SPIDR: variants seen among roughly 807,000 people sequenced by gnomAD.
SPIDR encodes the protein scaffold protein involved in DNA repair.
SPIDR carries 93 observed loss-of-function variants against 104.6 expected under a neutral mutation model. That is an observed-to-expected ratio of 0.89 (90% CI 0.75 to 1.06). The LOEUF (loss-of-function observed/expected upper bound fraction) is 1.06, where lower values mean the gene tolerates loss of function less well. Ranked by LOEUF, SPIDR falls within the 50% of genes least tolerant of loss-of-function variation. The pLI is 0.00. For missense variants in SPIDR, 1,154 were observed against 1,111.2 expected, an observed-to-expected ratio of 1.04 and a Z score of -0.55; for synonymous variants, 431 against 416.9, an observed-to-expected ratio of 1.03 and a Z score of -0.41.
chr8:47,421,594 CCTT>C (rs1457420807), intron 7 of SPIDR, among the ~76,000 whole-genome samples: 1 of 152,168 alleles, frequency 6.6e-6, no homozygotes, highest in Non-Finnish European at 1.5e-5. Flanking sequence ...TCATCTGTAG[CCTT>C]CTTCTCTCAA....
intron 8 of SPIDR, among the ~76,000 whole-genome samples, chr8:47,573,352 C>T (rs569204284): frequency 6.6e-6 from 1 of 152,322 alleles, no homozygotes; most frequent in African/African-American, 2.4e-5. Context: ...ACTGACTTCT[C>T]TGTAGCCACA....
At chr8:47,734,856 C>G (rs922061534) in intron 19 of SPIDR, among the ~76,000 whole-genome samples, 1 of 152,140 alleles carries the variant, frequency 6.6e-6, no homozygotes, top group Non-Finnish European at 1.5e-5. Flanking sequence ...CAGTATAACT[C>G]TAGAAGAAAT....
In SPIDR at chr8:47,612,670, A is replaced by G. The variant is rs2063750893; in HGVS notation, c.1544+13474A>G. Among the ~76,000 whole-genome samples the G allele has an allele frequency of 2.0e-5, 3 of 152,236 alleles. No individual in the cohort carries two copies. In the South Asian group the frequency reaches 6.2e-4, roughly 31 times the overall value. On this transcript the variant is annotated intron_variant, in intron 10 of 19. Transcript: ENST00000297423. The stretch of plus-strand genomic sequence containing the variant: ...GGAAAGTTGGGGAGAGTATAGCCCA[A>G]GGAGCTGAGGAGCAACGATGAAGCC...
intron 5 of SPIDR, among the ~76,000 whole-genome samples, chr8:47,386,908 T>G (rs1371290936): frequency 2.2e-4 from 7 of 31,420 alleles, no homozygotes; most frequent in South Asian, 1.0e-3. Flanking sequence ...GAGAGAGATA[T>G]AGATATAGAT....
intron 8 of SPIDR, among the ~76,000 whole-genome samples, chr8:47,555,023 A>G (rs985884989): frequency 8.5e-5 from 13 of 152,138 alleles, no homozygotes; most frequent in Non-Finnish European, 1.6e-4. Flanking sequence ...TTTTTCCTAA[A>G]TCTTAGTCTT....
At chr8:47,299,824 T>C (rs1327536173) in intron 5 of SPIDR, among the ~76,000 whole-genome samples, 1 of 152,144 alleles carries the variant, frequency 6.6e-6, no homozygotes, top group Non-Finnish European at 1.5e-5. Context: ...GTGGATAAGG[T>C]TTTTGATGTG....
At chr8:47,549,891 G>A (rs2090155859) in intron 8 of SPIDR, among the ~76,000 whole-genome samples, 1 of 152,016 alleles carries the variant, frequency 6.6e-6, no homozygotes, top group Non-Finnish European at 1.5e-5. Context: ...GGGTTTTTAT[G>A]GTTTTAGGTC....
intron 7 of SPIDR, among the ~76,000 whole-genome samples, chr8:47,427,501 G>A (rs1233700424): frequency 2.0e-5 from 3 of 152,150 alleles, no homozygotes; most frequent in Admixed American, 6.5e-5. Context: ...TTATAGTGCG[G>A]TAGTTTTCCA....
chr8:47,335,262 C>T (rs1193176625), intron 5 of SPIDR, among the ~76,000 whole-genome samples: 2 of 152,090 alleles, frequency 1.3e-5, no homozygotes, highest in South Asian at 2.1e-4. Context: ...TTTCTTTCTT[C>T]TGTAGAACTT....
intron 10 of SPIDR, among the ~76,000 whole-genome samples, chr8:47,654,603 C>T (rs1289032036): frequency 6.6e-6 from 1 of 152,178 alleles, no homozygotes; most frequent in African/African-American, 2.4e-5. Flanking sequence ...ACTCATATAA[C>T]ACTTTGCCAA....
At chr8:47,387,406 G>C (rs2060084630) in intron 5 of SPIDR, among the ~76,000 whole-genome samples, 1 of 152,158 alleles carries the variant, frequency 6.6e-6, no homozygotes, top group South Asian at 2.1e-4. Flanking sequence ...GGCAGACCCT[G>C]GCAGGAGGGC....
chr8:47,606,797 C>G (rs2063010175), intron 10 of SPIDR, among the ~76,000 whole-genome samples: 1 of 152,204 alleles, frequency 6.6e-6, no homozygotes, highest in Non-Finnish European at 1.5e-5. Flanking sequence ...CAGCTCTTCT[C>G]CCTGGTTGTG....
chr8:47,505,200 C>T (rs2081278984), intron 8 of SPIDR, among the ~76,000 whole-genome samples: 1 of 152,186 alleles, frequency 6.6e-6, no homozygotes, highest in African/African-American at 2.4e-5. Context: ...ATTCTGCTGT[C>T]TTTTGTTTGG....
chr8:47,395,322 C>G (rs1192690665), intron 5 of SPIDR, among the ~76,000 whole-genome samples: 1 of 152,128 alleles, frequency 6.6e-6, no homozygotes, highest in African/African-American at 2.4e-5. Context: ...GCACTCCAGC[C>G]TGGGTGACAG....
At chr8:47,322,094 T>G (rs1554596323) in intron 5 of SPIDR, among the ~76,000 whole-genome samples, 1 of 152,106 alleles carries the variant, frequency 6.6e-6, no homozygotes, top group Non-Finnish European at 1.5e-5. Flanking sequence ...AATTGACAAC[T>G]AGGATCTAAT....
At chr8:47,732,254 T>C (rs925363656) in intron 19 of SPIDR, 3 of 700,738 alleles carry the variant, frequency 4.3e-6, no homozygotes, top group African/African-American at 3.5e-5. Context: ...GTAAAAGCCC[T>C]GCTTATAAAG....
At chr8:47,628,219 G>A (rs1004927895) in intron 10 of SPIDR, among the ~76,000 whole-genome samples, 1 of 152,144 alleles carries the variant, frequency 6.6e-6, no homozygotes, top group Admixed American at 6.5e-5. Context: ...TTGGCTACTT[G>A]GGATGTTTTC....
rs527317467 is a variant in SPIDR, at chr8:47,403,848, A to C, written c.777-4013A>C. On this transcript the variant is annotated intron_variant, in intron 6 of 19. Coordinates refer to ENST00000297423, the MANE Select transcript of SPIDR (RefSeq NM_001080394.4). The stretch of plus-strand genomic sequence containing the variant: ...GACTTTCTTCACAGAATTGGAAAAA[A>C]ATACTTCAAAGTTCATATGGAACCA... Among the ~76,000 whole-genome samples, 39 of 152,338 alleles carry C rather than the reference A, an allele frequency of 2.6e-4. 1 individual carries two copies. The highest frequency in any genetic ancestry group is 9.1e-4 in the African/African-American group (38 of 41,578).
At chr8:47,429,722 T>G (rs1422339849) in intron 7 of SPIDR, among the ~76,000 whole-genome samples, 1 of 151,960 alleles carries the variant, frequency 6.6e-6, no homozygotes, top group Non-Finnish European at 1.5e-5. Context: ...TGCAGTTTTT[T>G]TACTGACAAA....
Sources: gnomAD v4.1 joint callset for allele counts (sites outside exome capture counted in the v4.1 genomes callset) on GRCh38, gnomAD v4.1.1 for gene constraint, MANE v1.5 for transcripts, NCBI Gene and HGNC (gene_info 2026-07-23, HGNC 2026-07-21) for gene names.